The following FCHO2 variants were observed in gnomAD, a reference collection of about 807,000 sequenced individuals.
FCHO2 encodes FCH and mu domain containing endocytic adaptor 2, also known as F-BAR domain only protein 2.
A neutral mutation model predicts 114.1 loss-of-function variants in FCHO2; 43 were observed. That is an observed-to-expected ratio of 0.38 (90% CI 0.30 to 0.49). FCHO2 has a LOEUF of 0.49. Among genes scored for constraint, FCHO2 ranks in the 20% least tolerant of loss-of-function variants. FCHO2 has a pLI of 0.97. For missense variants in FCHO2, 807 were observed against 950.4 expected (o/e 0.85, Z 1.98); for synonymous variants, 293 against 315.2 (o/e 0.93, Z 0.75).
chr5:72,962,927 G>T (rs1020839567), intron 1 of FCHO2, among the ~76,000 whole-genome samples: 20 of 151,952 alleles, frequency 1.3e-4, no homozygotes, highest in Non-Finnish European at 4.4e-5. Flanking sequence ...AAGAATTTTA[G>T]TAGCAATCTG....
intron 2 of FCHO2, among the ~76,000 whole-genome samples, chr5:72,981,691 A>G (rs1753219842): frequency 6.6e-6 from 1 of 152,066 alleles, no homozygotes; most frequent in Admixed American, 6.6e-5. Context: ...TTATTTCATT[A>G]AGTTGATCTT....
intron 18 of FCHO2, among the ~76,000 whole-genome samples, chr5:73,066,189 CCCATATCA>C (rs751748079): frequency 6.6e-6 from 1 of 151,786 alleles, no homozygotes; most frequent in African/African-American, 2.4e-5. Flanking sequence ...TCACATCATC[CCCATATCA>C]CCATACACTA....
chr5:73,000,360 A>G (rs1280679466), intron 5 of FCHO2, among the ~76,000 whole-genome samples: 1 of 151,368 alleles, frequency 6.6e-6, no homozygotes, highest in Non-Finnish European at 1.5e-5. Context: ...AATCCCAGCT[A>G]CTCAGGAGGC....
intron 5 of FCHO2, among the ~76,000 whole-genome samples, chr5:72,998,118 A>G (rs561410177): frequency 6.6e-5 from 10 of 152,278 alleles, no homozygotes; most frequent in Non-Finnish European, 1.0e-4. Flanking sequence ...CAATAAGCAC[A>G]TGATGGAAAT....
chr5:73,048,870 C>CTTTTTTTTTTTTTT (rs764057424), intron 11 of FCHO2, among the ~76,000 whole-genome samples: 2 of 105,436 alleles, frequency 1.9e-5, no homozygotes, highest in Non-Finnish European at 3.7e-5. Flanking sequence ...AATTTGCTAT[C>CTTTTTTTTTTTTTT]TTTTTTTTTT....
intron 2 of FCHO2, among the ~76,000 whole-genome samples, chr5:72,979,616 C>T (rs921634351): frequency 1.3e-5 from 2 of 151,502 alleles, no homozygotes; most frequent in African/African-American, 2.4e-5. Context: ...TGGTCTCGAT[C>T]TCCTGACCTC....
chr5:72,966,084 A>C (rs1752184593), intron 1 of FCHO2, among the ~76,000 whole-genome samples: 2 of 152,218 alleles, frequency 1.3e-5, no homozygotes, highest in South Asian at 4.1e-4. Flanking sequence ...GACTCACCAA[A>C]AGTGAATGCT....
intron 6 of FCHO2, among the ~76,000 whole-genome samples, chr5:73,007,637 G>A (rs1339480207): frequency 1.3e-5 from 2 of 152,168 alleles, no homozygotes; most frequent in Non-Finnish European, 2.9e-5. Context: ...GTGCATGTAT[G>A]TGCATATCCA....
chr5:73,028,061 G>A (rs1756035941), intron 8 of FCHO2, among the ~76,000 whole-genome samples: 1 of 152,224 alleles, frequency 6.6e-6, no homozygotes, highest in South Asian at 2.1e-4. Context: ...TAGGCGTGGT[G>A]TTGTGCACCT....
At chr5:73,066,823 A>G (rs1561490240) in intron 18 of FCHO2, among the ~76,000 whole-genome samples, 1 of 151,966 alleles carries the variant, frequency 6.6e-6, no homozygotes, top group Non-Finnish European at 1.5e-5. Context: ...GGGAGGGGCC[A>G]AGCAACTGTG....
intron 5 of FCHO2, among the ~76,000 whole-genome samples, chr5:72,994,617 C>A (rs6867411): frequency 1.8e-3 from 281 of 152,310 alleles, no homozygotes; most frequent in African/African-American, 6.4e-3. Flanking sequence ...TTCACCCCAG[C>A]AGTCCCATTA....
intron 11 of FCHO2, among the ~76,000 whole-genome samples, chr5:73,045,996 G>A (rs779619187): frequency 7.2e-5 from 11 of 152,076 alleles, no homozygotes; most frequent in African/African-American, 1.7e-4. Context: ...GAATCACTTC[G>A]TAGAGTGATT....
intron 17 of FCHO2, among the ~76,000 whole-genome samples, chr5:73,063,469 G>C (rs1484585293): frequency 6.6e-6 from 1 of 151,944 alleles, no homozygotes; most frequent in Non-Finnish European, 1.5e-5. Context: ...TCAAAGGCTT[G>C]GTCTCGAATT....
chr5:73,044,108 T>C (rs1025620792), intron 11 of FCHO2, among the ~76,000 whole-genome samples: 5 of 152,188 alleles, frequency 3.3e-5, no homozygotes, highest in Non-Finnish European at 1.5e-5. Context: ...ATGTAAGATA[T>C]GCTTCCTTCC....
chr5:72,962,155 T>C (rs1751910798), intron 1 of FCHO2, among the ~76,000 whole-genome samples: 1 of 152,216 alleles, frequency 6.6e-6, no homozygotes, highest in Admixed American at 6.5e-5. Flanking sequence ...GTGATTTGTT[T>C]TATTTTTTAA....
chr5:73,085,878 A>G (rs1222699744), intron 24 of FCHO2, among the ~76,000 whole-genome samples: 1 of 151,890 alleles, frequency 6.6e-6, no homozygotes, highest in African/African-American at 2.4e-5. Flanking sequence ...AAATCCCAGC[A>G]CTTTGGGAGG....
intron 10 of FCHO2, chr5:73,038,269 A>C: frequency 6.6e-6 from 1 of 152,228 alleles, no homozygotes; most frequent in East Asian, 1.9e-4. Flanking sequence ...TCTAAGCATG[A>C]AACCTCAACA....
At chr5:73,060,933 G>A (rs368226733) in intron 17 of FCHO2, among the ~76,000 whole-genome samples, 29 of 150,206 alleles carry the variant, frequency 1.9e-4, no homozygotes, top group African/African-American at 6.1e-4. Flanking sequence ...AATATCTTAC[G>A]CCTACCTCCC....
intron 1 of FCHO2, among the ~76,000 whole-genome samples, chr5:72,960,238 T>C (rs922894142): frequency 1.3e-5 from 2 of 152,230 alleles, no homozygotes; most frequent in African/African-American, 4.8e-5. Flanking sequence ...CCTTTTTCTT[T>C]AAAGTATAGG....
Sources: gnomAD v4.1 joint callset for allele counts (sites outside exome capture counted in the v4.1 genomes callset) on GRCh38, gnomAD v4.1.1 for gene constraint, MANE v1.5 for transcripts, NCBI Gene and HGNC (gene_info 2026-07-23, HGNC 2026-07-21) for gene names.